RASGRF2: variants seen among roughly 807,000 people sequenced by gnomAD.
RASGRF2 encodes the protein Ras protein specific guanine nucleotide releasing factor 2, also known as ras-specific guanine nucleotide-releasing factor 2.
RASGRF2 carries 76 observed loss-of-function variants against 151.0 expected under a neutral mutation model. The observed-to-expected ratio is 0.50, with a 90% CI of 0.42 to 0.61. The LOEUF is 0.61. Among genes scored for constraint, RASGRF2 ranks in the 20% least tolerant of loss-of-function variants. The probability of loss-of-function intolerance (pLI) is 0.00; values close to 1 mark genes in which losing one functional copy is unlikely to be tolerated. For synonymous variants in RASGRF2, 504 were observed against 566.5 expected, an observed-to-expected ratio of 0.89 and a Z score of 1.57; for missense variants, 1,148 against 1,564.6, an observed-to-expected ratio of 0.73 and a Z score of 4.49.
intron 1 of RASGRF2, among the ~76,000 whole-genome samples, chr5:80,985,913 A>G (rs1359857898): frequency 3.3e-5 from 5 of 150,508 alleles, no homozygotes; most frequent in Admixed American, 6.7e-5. Context: ...CTTGACTCCA[A>G]TAGGTCTTTA....
chr5:81,108,513 G>T (rs1256218266), intron 12 of RASGRF2, among the ~76,000 whole-genome samples: 1 of 152,180 alleles, frequency 6.6e-6, no homozygotes, highest in Admixed American at 6.5e-5. Flanking sequence ...AGAAGCAGAG[G>T]CAGAGCTTAC....
Position 81,202,564 on chromosome 5 carries a change from C to A in RASGRF2, c.2906+1122C>A, listed in dbSNP as rs186731279. On this transcript the variant is annotated intron_variant, in intron 19 of 26. Coordinates refer to ENST00000265080, the MANE Select transcript of RASGRF2 (RefSeq NM_006909.3). ...CCGTTCTTTGGTGTAGGGTCTCTTACAGGTAGAATTGTATCTCCCTACCCC... is the reference window on the plus strand; with the variant it reads ...CCGTTCTTTGGTGTAGGGTCTCTTAAAGGTAGAATTGTATCTCCCTACCCC... Among the ~76,000 whole-genome samples the A allele has an allele frequency of 8.5e-5, 13 of 152,302 alleles. No individual in the cohort carries two copies. The East Asian group carries it at 2.5e-3, about 29-fold the overall frequency.
rs150734192 is a variant in RASGRF2, at chr5:81,082,701, A to T, written c.1161+1912A>T. On this transcript the variant is annotated intron_variant, in intron 7 of 26. Coordinates refer to ENST00000265080, the MANE Select transcript of RASGRF2 (RefSeq NM_006909.3). ...GAGCCCCCTCCCCAAGGATGTGGTG[A>T]CCTCAAACCTTAGAATGTTGGGTCA... Among the ~76,000 whole-genome samples the T allele has an allele frequency of 6.6e-5, 10 of 152,266 alleles. No individual in the cohort carries two copies. In the South Asian group the frequency reaches 1.5e-3, roughly 22 times the overall value.
intron 1 of RASGRF2, among the ~76,000 whole-genome samples, chr5:80,961,311 C>A (rs1414797421): frequency 6.6e-6 from 1 of 152,250 alleles, no homozygotes; most frequent in Admixed American, 6.5e-5. Flanking sequence ...AGCTTCTCTG[C>A]CAACCATCTA....
chr5:81,006,446 T>A (rs138103597), intron 1 of RASGRF2, among the ~76,000 whole-genome samples: 1 of 152,348 alleles, frequency 6.6e-6, no homozygotes, highest in African/African-American at 2.4e-5. Flanking sequence ...TTTCTGAAAG[T>A]ATGTTACCTT....
Position 81,228,908 on chromosome 5 carries a change from T to C in RASGRF2, c.*3138T>C, listed in dbSNP as rs531281229. The C allele has an allele frequency of 4.6e-5, 7 of 152,370 alleles. No individual in the cohort carries two copies. The highest frequency in any genetic ancestry group is 1.7e-4 in the African/African-American group (7 of 41,582). The allele number at this position is 152,370 out of a possible 1,614,324, so 9.4% of individuals were successfully genotyped here. A position where few individuals can be genotyped will look rare whatever the true frequency, so the allele number is the denominator to read the frequency against. On this transcript the variant is annotated 3_prime_UTR_variant, in exon 27 of 27. Transcript: ENST00000265080. Reference sequence around the variant, plus strand: ...TGTTAAATTTCAGTACGTCTTAAAGTACTACTTATAAACAAATGAAACTCA... The same window carrying C: ...TGTTAAATTTCAGTACGTCTTAAAGCACTACTTATAAACAAATGAAACTCA...
intron 1 of RASGRF2, among the ~76,000 whole-genome samples, chr5:81,016,560 T>G (rs1456863316): frequency 6.6e-6 from 1 of 152,242 alleles, no homozygotes; most frequent in African/African-American, 2.4e-5. Context: ...GTGTTTTTCC[T>G]GTTGTGGGAG....
chr5:81,035,426 C>T (rs994908977), intron 1 of RASGRF2, among the ~76,000 whole-genome samples: 1 of 151,918 alleles, frequency 6.6e-6, no homozygotes, highest in Middle Eastern at 3.2e-3. Flanking sequence ...AACACTTGGA[C>T]ATAGGGTGGG....
Position 80,960,787 on chromosome 5 carries a change from T to C in RASGRF2, c.49T>C (p.Phe17Leu), listed in dbSNP as rs1435400164. 6.2e-7 allele frequency: 1 copy of C among 1,612,820 alleles called. No homozygotes were observed. The highest frequency in any genetic ancestry group is 1.1e-5 in the South Asian group (1 of 90,926). The change falls in exon 1 of 27, where the codon TTT (phenylalanine) becomes CTT (leucine). Residue 17 changes from phenylalanine to leucine, a missense_variant. Transcript: ENST00000265080. The surrounding 1 kb of genome is among the most constrained non-coding windows in gnomAD (Gnocchi z 5.5). Reference protein sequence around the residue: ...YNEGHALYLAFLARKEGTKRG... With the variant: ...YNEGHALYLALLARKEGTKRG... ...CGAGGGGCACGCCCTGTACCTGGCC[T>C]TTCTGGCGCGCAAGGAGGGCACCAA...
At chr5:80,981,342 C>T (rs1324763803) in intron 1 of RASGRF2, among the ~76,000 whole-genome samples, 1 of 151,748 alleles carries the variant, frequency 6.6e-6, no homozygotes. Flanking sequence ...AATTGTGGTA[C>T]CTGTACTTTC....
At chr5:81,081,208 G>T (rs993288705) in intron 7 of RASGRF2, among the ~76,000 whole-genome samples, 1 of 152,192 alleles carries the variant, frequency 6.6e-6, no homozygotes, top group Non-Finnish European at 1.5e-5. Flanking sequence ...CTGCTGGGAA[G>T]GTTTCTGTTT....
intron 17 of RASGRF2, among the ~76,000 whole-genome samples, chr5:81,142,509 G>A (rs1753908252): frequency 6.6e-6 from 1 of 152,174 alleles, no homozygotes. Context: ...AATGTTGGCT[G>A]CATGCAATGT....
intron 1 of RASGRF2, among the ~76,000 whole-genome samples, chr5:81,000,837 T>A (rs1487087823): frequency 1.3e-5 from 2 of 152,202 alleles, no homozygotes; most frequent in Non-Finnish European, 2.9e-5. Context: ...AGCATGATAC[T>A]CAAAATACAG....
intron 1 of RASGRF2, among the ~76,000 whole-genome samples, chr5:81,022,465 G>A (rs1749862991): frequency 6.6e-6 from 1 of 152,186 alleles, no homozygotes; most frequent in South Asian, 2.1e-4. Context: ...GGCTTGGGGT[G>A]GAGCAAGAGG....
chr5:81,027,258 A>G (rs1447734864), intron 1 of RASGRF2, among the ~76,000 whole-genome samples: 1 of 152,202 alleles, frequency 6.6e-6, no homozygotes, highest in Non-Finnish European at 1.5e-5. Flanking sequence ...ATTATGCATC[A>G]ATATTTGTTC....
intron 12 of RASGRF2, among the ~76,000 whole-genome samples, chr5:81,104,416 A>G (rs1490692714): frequency 6.6e-6 from 1 of 152,054 alleles, no homozygotes; most frequent in African/African-American, 2.4e-5. Context: ...CTTCTTTCCT[A>G]TTTCGTAGAT....
chr5:80,961,039 T>C lies in RASGRF2; in HGVS notation c.288+13T>C. On this transcript the variant is annotated intron_variant, in intron 1 of 26. Coordinates refer to ENST00000265080, the MANE Select transcript of RASGRF2 (RefSeq NM_006909.3). The stretch of plus-strand genomic sequence containing the variant: ...GCTGGACAAGCAGGTACCGCGCGCC[T>C]TCTCTCCGCGGTCTCCCAGCCTTGA... 1 of 1,444,020 alleles carries C rather than the reference T, an allele frequency of 6.9e-7. No homozygotes were observed. Among genetic ancestry groups the C allele is most frequent in the Non-Finnish European group, 9.1e-7 (1 of 1,093,218 alleles). 89.5% of individuals were successfully genotyped at this position (1,444,020 alleles called of 1,614,324 possible). A position where few individuals can be genotyped will look rare whatever the true frequency, so the allele number is the denominator to read the frequency against.
chr5:81,216,369 G>A (rs12519131), intron 24 of RASGRF2, among the ~76,000 whole-genome samples: 43,203 of 144,006 alleles, frequency 0.3, 6,394 homozygotes, highest in Middle Eastern at 0.37. Flanking sequence ...ACACACACAC[G>A]CACACACACA....
At chr5:81,071,654 T>G (rs1751780337) in intron 4 of RASGRF2, among the ~76,000 whole-genome samples, 1 of 151,924 alleles carries the variant, frequency 6.6e-6, no homozygotes. Context: ...AGAAATTAAT[T>G]TTTTTTTGAA....
Sources: allele counts gnomAD v4.1 joint callset (sites outside exome capture counted in the v4.1 genomes callset), GRCh38; gene constraint gnomAD v4.1.1; non-coding constraint Gnocchi (gnomAD v3.1); transcripts MANE v1.5; gene names NCBI Gene and HGNC (gene_info 2026-07-23, HGNC 2026-07-21).